C8orf34: variants seen among roughly 807,000 people sequenced by gnomAD.
C8orf34 encodes chromosome 8 open reading frame 34.
Under a neutral mutation model 68.3 loss-of-function variants are expected in C8orf34, and 65 were observed. The observed-to-expected ratio is 0.95, with a 90% CI of 0.78 to 1.17. The LOEUF (loss-of-function observed/expected upper bound fraction) is 1.17. C8orf34 is among the 50% of genes most tolerant of loss of function. The pLI is 0.00. For missense variants in C8orf34, 664 were observed against 655.4 expected, an observed-to-expected ratio of 1.01 and a Z score of -0.14; for synonymous variants, 244 against 241.2, an observed-to-expected ratio of 1.01 and a Z score of -0.11.
intron 3 of C8orf34, among the ~76,000 whole-genome samples, chr8:68,464,258 C>T (rs1811997468): frequency 6.6e-6 from 1 of 152,120 alleles, no homozygotes; most frequent in South Asian, 2.1e-4. Context: ...TGAAGGACCT[C>T]TTCAAGGAGA....
chr8:68,656,507 C>T (rs1819515195), intron 8 of C8orf34, among the ~76,000 whole-genome samples: 1 of 152,196 alleles, frequency 6.6e-6, no homozygotes, highest in Admixed American at 6.5e-5. Flanking sequence ...CCATAGCACA[C>T]TGTATCCATA....
chr8:68,351,114 A>G (rs1186220301), intron 1 of C8orf34, among the ~76,000 whole-genome samples: 1 of 151,896 alleles, frequency 6.6e-6, no homozygotes, highest in Non-Finnish European at 1.5e-5. Context: ...TTCTTTCTAT[A>G]TTAAGTGCTC....
At chr8:68,421,235 G>C (rs1809956715) in intron 1 of C8orf34, among the ~76,000 whole-genome samples, 1 of 152,144 alleles carries the variant, frequency 6.6e-6, no homozygotes, top group Non-Finnish European at 1.5e-5. Flanking sequence ...TATTCAACAG[G>C]AAATGACAAA....
At chr8:68,524,399 G>A (rs1475142621) in intron 6 of C8orf34, among the ~76,000 whole-genome samples, 1 of 152,142 alleles carries the variant, frequency 6.6e-6, no homozygotes, top group African/African-American at 2.4e-5. Flanking sequence ...GACACCTGAA[G>A]CATTAAGTGC....
chr8:68,685,418 T>C (rs1434626691), intron 8 of C8orf34, among the ~76,000 whole-genome samples: 1 of 152,136 alleles, frequency 6.6e-6, no homozygotes, highest in Non-Finnish European at 1.5e-5. Context: ...AAGTAATATG[T>C]CTTCAAAATG....
intron 5 of C8orf34, among the ~76,000 whole-genome samples, chr8:68,494,907 AAT>A (rs889744173): frequency 6.6e-6 from 1 of 150,454 alleles, no homozygotes; most frequent in Non-Finnish European, 1.5e-5. Flanking sequence ...TCTCTCAAAA[AAT>A]ATATATATAT....
rs192833061 is a variant in C8orf34, at chr8:68,712,034, G to T, written c.1327+2955G>T. Among the ~76,000 whole-genome samples, 243 of 152,204 alleles carry T rather than the reference G, an allele frequency of 1.6e-3. 1 individual carries two copies. Among genetic ancestry groups the T allele is most frequent in the African/African-American group, 5.6e-3 (231 of 41,536 alleles). On this transcript the variant is annotated intron_variant, in intron 9 of 13. Coordinates refer to ENST00000518698, the MANE Select transcript of C8orf34 (RefSeq NM_052958.4). ...AGAAGGGATTGGGGACCCATTTTTA[G>T]CCTCCTTAAACAAAACAATTATTAC... is the stretch of plus-strand genomic sequence containing the variant.
intron 3 of C8orf34, among the ~76,000 whole-genome samples, chr8:68,448,646 G>A (rs1811218738): frequency 6.6e-6 from 1 of 151,916 alleles, no homozygotes; most frequent in South Asian, 2.1e-4. Context: ...AGAACAGATT[G>A]GAAAAATAGA....
At chr8:68,374,684 C>T (rs1009528616) in intron 1 of C8orf34, among the ~76,000 whole-genome samples, 30 of 152,106 alleles carry the variant, frequency 2.0e-4, no homozygotes, top group African/African-American at 6.5e-4. Flanking sequence ...TTATTATTAT[C>T]ATTTCCTTTC....
In C8orf34 at chr8:68,758,885, G is replaced by A. The variant is rs189243545; in HGVS notation, c.1405-17514G>A. On this transcript the variant is annotated intron_variant, in intron 10 of 13. Coordinates refer to ENST00000518698, the MANE Select transcript of C8orf34 (RefSeq NM_052958.4). ...AATTGTTCTAAACTCAGCAGTAAAAGCAATTGGATTTATACTTATTTTTCC... is the reference window on the plus strand; with the variant it reads ...AATTGTTCTAAACTCAGCAGTAAAAACAATTGGATTTATACTTATTTTTCC... Among the ~76,000 whole-genome samples the A allele has an allele frequency of 5.0e-4, 76 of 152,000 alleles. 3 individuals carry two copies. Among genetic ancestry groups the A allele is most frequent in the Middle Eastern group, 3.4e-3 (1 of 294 alleles).
intron 10 of C8orf34, among the ~76,000 whole-genome samples, chr8:68,744,468 A>G (rs1239629546): frequency 2.0e-5 from 3 of 152,122 alleles, no homozygotes; most frequent in African/African-American, 7.2e-5. Flanking sequence ...CCAAAGGCAA[A>G]GAAGTTGAAA....
chr8:68,347,728 T>C (rs967762577), intron 1 of C8orf34, among the ~76,000 whole-genome samples: 2 of 152,130 alleles, frequency 1.3e-5, no homozygotes, highest in Non-Finnish European at 2.9e-5. Context: ...TTGAGCTTTT[T>C]TTTTCATACA....
Position 68,555,612 on chromosome 8 carries a change from T to G in C8orf34, c.1105+22463T>G, listed in dbSNP as rs555392312. Among the ~76,000 whole-genome samples the G allele has an allele frequency of 4.6e-5, 7 of 152,224 alleles. No individual in the cohort carries two copies. In the South Asian group the frequency reaches 1.5e-3, roughly 32 times the overall value. On this transcript the variant is annotated intron_variant, in intron 7 of 13. Coordinates refer to ENST00000518698, the MANE Select transcript of C8orf34 (RefSeq NM_052958.4). ...TCTCTAGAGGTAATTATTATGCTGA[T>G]GTTGGTTTTGGTTTTTATTCTATTA...
chr8:68,621,777 G>A (rs1818396102), intron 7 of C8orf34, among the ~76,000 whole-genome samples: 1 of 152,154 alleles, frequency 6.6e-6, no homozygotes, highest in South Asian at 2.1e-4. Flanking sequence ...AATTCTTCAA[G>A]ACTTCACTAA....
intron 10 of C8orf34, among the ~76,000 whole-genome samples, chr8:68,771,703 A>G (rs1823342300): frequency 6.6e-6 from 1 of 151,994 alleles, no homozygotes; most frequent in African/African-American, 2.4e-5. Flanking sequence ...TATTCTTTCC[A>G]CTTCGTCTCC....
chr8:68,676,940 G>C (rs1384258390), intron 8 of C8orf34, among the ~76,000 whole-genome samples: 1 of 152,168 alleles, frequency 6.6e-6, no homozygotes, highest in Non-Finnish European at 1.5e-5. Context: ...GCTGTCTTGA[G>C]ACCCATTCAC....
intron 8 of C8orf34, among the ~76,000 whole-genome samples, chr8:68,656,305 T>C (rs1585682020): frequency 2.6e-5 from 4 of 152,338 alleles, no homozygotes; most frequent in Admixed American, 2.6e-4. Flanking sequence ...AATATAATGT[T>C]TTATTTATAG....
chr8:68,534,028 A>G, intron 7 of C8orf34: 3 of 979,678 alleles, frequency 3.1e-6, no homozygotes, highest in African/African-American at 3.5e-5. Context: ...GGAATCTCAG[A>G]AAAATATAGG....
intron 5 of C8orf34, among the ~76,000 whole-genome samples, chr8:68,497,527 C>T (rs188345735): frequency 1.3e-5 from 2 of 152,186 alleles, no homozygotes; most frequent in East Asian, 3.9e-4. Context: ...TCCAAAGACA[C>T]ACTAGCAAAA....
Sources: gnomAD v4.1 joint callset for allele counts (sites outside exome capture counted in the v4.1 genomes callset) on GRCh38, gnomAD v4.1.1 for gene constraint, MANE v1.5 for transcripts, NCBI Gene and HGNC (gene_info 2026-07-23, HGNC 2026-07-21) for gene names.